Variants in COL8A2 observed in about 807,000 individuals in gnomAD.
COL8A2 encodes collagen alpha-2(VIII) chain.
A neutral mutation model predicts 24.0 loss-of-function variants in COL8A2; 16 were observed. The ratio of observed to expected loss-of-function variants is 0.67; its 90% CI spans 0.45 to 1.01. The LOEUF (loss-of-function observed/expected upper bound fraction) is 1.01. COL8A2 is among the 50% of genes least tolerant of loss of function. The pLI is 0.00. For synonymous variants in COL8A2, 466 were observed against 424.5 expected (o/e 1.10, Z -1.20); for missense variants, 818 against 942.4 (o/e 0.87, Z 1.73).
At chr1:36,121,567 G>T (rs1187092310) in intron 1 of COL8A2, among the ~76,000 whole-genome samples, 1 of 151,226 alleles carries the variant, frequency 6.6e-6, no homozygotes, top group East Asian at 1.9e-4. Flanking sequence ...AATTAGCCGG[G>T]CATGGTGGTG....
chr1:36,117,080 C>T (rs1461453785), intron 1 of COL8A2, among the ~76,000 whole-genome samples: 1 of 152,238 alleles, frequency 6.6e-6, no homozygotes. Flanking sequence ...CACTCTCTCC[C>T]CCAGCTGCTT....
rs369299871 is a variant in COL8A2 at position 36,111,846 on chromosome 1, C to A, written c.-17+3862G>T. The stretch of plus-strand genomic sequence containing the variant: ...TCAGACTCTTGTGTTCAACTATCAG[C>A]CGAGCATGTCCCCTGGCTGTCCCTC... On this transcript the variant is annotated intron_variant, in intron 2 of 3. Coordinates refer to ENST00000397799, the MANE Select transcript of COL8A2 (RefSeq NM_005202.4). Among the ~76,000 whole-genome samples, 201 of 152,210 alleles carry A rather than the reference C, an allele frequency of 1.3e-3. 5 individuals are homozygous for A. The South Asian group carries it at 0.039, about 29-fold the overall frequency.
At chr1:36,102,015 CA>C (rs1345983036) in intron 2 of COL8A2, among the ~76,000 whole-genome samples, 4 of 150,884 alleles carry the variant, frequency 2.7e-5, no homozygotes, top group African/African-American at 9.8e-5. Context: ...CCCATCTCTA[CA>C]AAACAAACAA....
intron 2 of COL8A2, among the ~76,000 whole-genome samples, chr1:36,114,566 ATAT>A (rs1350489737): frequency 6.6e-6 from 1 of 152,022 alleles, no homozygotes. Context: ...CCATGGAAAC[ATAT>A]TAGTTCTCAT....
Position 36,125,192 on chromosome 1 carries a change from T to C in COL8A2, c.-197A>G, listed in dbSNP as rs1489803013. 1.3e-5 allele frequency: 5 copies of C among 376,076 alleles called. No individual in the cohort carries two copies. The highest frequency in any genetic ancestry group is 2.2e-5 in the African/African-American group (1 of 45,322). 23.3% of individuals were successfully genotyped at this position (376,076 alleles called of 1,614,324 possible). A position where few individuals can be genotyped will look rare whatever the true frequency, so the allele number is the denominator to read the frequency against. ...CCGCGCCGGCGGGGTTCCGCGTCGC[T>C]CTGCCGGCCGCCCCTCGCGGCTGCC... On this transcript the variant is annotated 5_prime_UTR_variant, in exon 1 of 4. Coordinates refer to ENST00000397799, the MANE Select transcript of COL8A2 (RefSeq NM_005202.4). This position sits in a 1 kb window ranked among gnomAD's most constrained non-coding sequence, Gnocchi z 4.5.
chr1:36,116,289 C>T (rs577469615), intron 1 of COL8A2, among the ~76,000 whole-genome samples: 1 of 152,312 alleles, frequency 6.6e-6, no homozygotes, highest in African/African-American at 2.4e-5. Context: ...CTTAGCAATA[C>T]CCACGGGGTG....
intron 1 of COL8A2, among the ~76,000 whole-genome samples, chr1:36,124,443 C>A (rs938421220): frequency 1.3e-5 from 2 of 151,680 alleles, no homozygotes; most frequent in African/African-American, 4.9e-5. Context: ...CCCCTCACCC[C>A]CTGCAAGTCT....
At chr1:36,101,426 C>T (rs1428328104) in intron 2 of COL8A2, among the ~76,000 whole-genome samples, 2 of 152,194 alleles carry the variant, frequency 1.3e-5, no homozygotes, top group Admixed American at 6.5e-5. Flanking sequence ...GTCATCCCTT[C>T]CTCTATAAAG....
At position 36,100,887 on chromosome 1, in the gene COL8A2, C is replaced by CTTTTTTTTTT. The variant is rs139330748; in HGVS notation, c.-16-639_-16-630dup. Among the ~76,000 whole-genome samples the CTTTTTTTTTT allele has an allele frequency of 8.8e-4, 44 of 50,158 alleles. 4 individuals are homozygous for CTTTTTTTTTT. The East Asian group carries it at 9.5e-3, about 11-fold the overall frequency. The allele number at this position is 50,158 out of a possible 152,430, so 32.9% of individuals were successfully genotyped here. Reference sequence around the variant, plus strand: ...ATGGCGCTTAGCATAGCATTCAAGGCTTTTTTTTTTTTTTTTTTTTTTTTT... The same window carrying CTTTTTTTTTT: ...ATGGCGCTTAGCATAGCATTCAAGGCTTTTTTTTTTTTTTTTTTTTTTTTTTTTTTTTTTT... On this transcript the variant is annotated intron_variant, in intron 2 of 3. Transcript: ENST00000397799.
At chr1:36,100,887 CTTTTTTTTTTTT>C (rs139330748) in intron 2 of COL8A2, among the ~76,000 whole-genome samples, 140 of 50,166 alleles carry the variant, frequency 2.8e-3, no homozygotes, top group African/African-American at 8.6e-3. Context: ...GCATTCAAGG[CTTTTTTTTTTTT>C]TTTTTTTTTT....
intron 2 of COL8A2, among the ~76,000 whole-genome samples, chr1:36,103,600 A>G (rs1643712716): frequency 6.7e-6 from 1 of 149,960 alleles, no homozygotes; most frequent in African/African-American, 2.5e-5. Context: ...TTTTTTTGAG[A>G]CAGAGTTTTG....
Position 36,098,334 on chromosome 1 carries a change from G to C in COL8A2, c.1347C>G (p.Asp449Glu), listed in dbSNP as rs1356542481. ...GVAGALGQKG[D>E]LGLPGQPGLR... ...GGCCAGGCTGCCCAGGGAGCCCCAA[G>C]TCACCTTTCTGCCCCAGGGCTCCTG... Residue 449 changes from aspartate (D) to glutamate (E), a missense_variant, in exon 4 of 4, where the codon GAC becomes GAG. This residue lies in a region of COL8A2 where 573 missense variants were observed against 616.8 expected (regional missense o/e 0.93). Transcript: ENST00000397799. The C allele has an allele frequency of 1.3e-6, 2 of 1,550,330 alleles. No homozygotes were observed. Among genetic ancestry groups the C allele is most frequent in the South Asian group, 2.4e-5 (2 of 84,164 alleles).
intron 2 of COL8A2, among the ~76,000 whole-genome samples, chr1:36,107,761 G>C (rs1382047127): frequency 6.6e-6 from 1 of 151,722 alleles, no homozygotes; most frequent in East Asian, 1.9e-4. Context: ...GGGCACCTCT[G>C]AGCCCCCTGC....
Position 36,115,659 on chromosome 1 carries a change from C to T in COL8A2, c.-17+49G>A, listed in dbSNP as rs1643875687. 3.1e-6 allele frequency: 3 copies of T among 961,976 alleles called. No homozygotes were observed. The highest frequency in any genetic ancestry group is 3.7e-6 in the Non-Finnish European group (3 of 808,588). The allele number at this position is 961,976 out of a possible 1,614,324, so 59.6% of individuals were successfully genotyped here. ...AGGTTAGACAGCAATGAACACAGGC[C>T]TCATCTGGCCTGAGATATCAGAAAA... On this transcript the variant is annotated intron_variant, in intron 2 of 3. Coordinates refer to ENST00000397799, the MANE Select transcript of COL8A2 (RefSeq NM_005202.4). The surrounding 1 kb of genome is among the most constrained non-coding windows in gnomAD (Gnocchi z 5.7).
In COL8A2 at chr1:36,100,138, C is replaced by T. The variant is rs57985157; in HGVS notation, c.105G>A (p.Ala35=). Residue 35 remains alanine (A), a synonymous_variant, in exon 3 of 4, where the codon GCG becomes GCA. Coordinates refer to ENST00000397799, the MANE Select transcript of COL8A2 (RefSeq NM_005202.4). ...RASSGGGAGG[A]AGYAPVKYIQ... is the part of the protein sequence containing the mutation. ...TGTACTTCACTGGGGCATAGCCCGC[C>T]GCCCCACCGGCCCCGCCACCAGAGG... The T allele has an allele frequency of 0.025, 40,921 of 1,612,446 alleles. 4,524 individuals carry two copies. The East Asian group carries it at 0.32, about 13-fold the overall frequency.
At position 36,100,047 on chromosome 1, in the gene COL8A2, C is replaced by T. The variant is rs1278086648; in HGVS notation, c.193+3G>A. 5.0e-6 allele frequency: 8 copies of T among 1,610,724 alleles called. No individual in the cohort carries two copies. The highest frequency in any genetic ancestry group is 6.8e-6 in the Non-Finnish European group (8 of 1,177,450). On this transcript the variant is annotated splice_donor_region_variant and intron_variant, in intron 3 of 3. Coordinates refer to ENST00000397799, the MANE Select transcript of COL8A2 (RefSeq NM_005202.4). ...AGGCACTGTGGGGTGAGGAGGCTCT[C>T]ACCCAGGTACTGGCCTTTGCCCTCA...
rs1395910291 is a variant in COL8A2, at chr1:36,098,868, T to C, written c.813A>G (p.Pro271=). Reference sequence around the variant, plus strand: ...CACCGTCTACTCCAGGAGGTCCTTTTGGGCCCACAGCTCCTGGCTCCCCCC... The same window carrying C: ...CACCGTCTACTCCAGGAGGTCCTTTCGGGCCCACAGCTCCTGGCTCCCCCC... ...GPRGEPGAVG[P]KGPPGVDGVG... The change falls in exon 4 of 4, where the codon CCA becomes CCG. Residue 271 remains proline, a synonymous_variant. Coordinates refer to ENST00000397799, the MANE Select transcript of COL8A2 (RefSeq NM_005202.4). 6.2e-7 allele frequency: 1 copy of C among 1,612,216 alleles called. No individual in the cohort carries two copies. Among genetic ancestry groups the C allele is most frequent in the Non-Finnish European group, 8.5e-7 (1 of 1,179,694 alleles).
At chr1:36,107,608 C>A (rs911172787) in intron 2 of COL8A2, among the ~76,000 whole-genome samples, 2 of 152,234 alleles carry the variant, frequency 1.3e-5, no homozygotes, top group African/African-American at 4.8e-5. Context: ...CTGGGGAGTG[C>A]GCACTGGCCA....
rs577832844 is a variant in COL8A2, at chr1:36,114,305, C to T, written c.-17+1403G>A. On this transcript the variant is annotated intron_variant, in intron 2 of 3. Coordinates refer to ENST00000397799, the MANE Select transcript of COL8A2 (RefSeq NM_005202.4). Reference sequence around the variant, plus strand: ...CTGCACTCTAACCTGGGCGACAGAGCGAGACTCCATCTCAAAAAAAAAAAA... The same window carrying T: ...CTGCACTCTAACCTGGGCGACAGAGTGAGACTCCATCTCAAAAAAAAAAAA... Among the ~76,000 whole-genome samples the T allele has an allele frequency of 2.3e-4, 27 of 118,068 alleles. 1 individual carries two copies. The South Asian group carries it at 3.5e-3, about 15-fold the overall frequency. 77.5% of individuals were successfully genotyped at this position (118,068 alleles called of 152,430 possible).
Sources: gnomAD v4.1 joint callset for allele counts (sites outside exome capture counted in the v4.1 genomes callset) on GRCh38, gnomAD v4.1.1 for gene constraint, gnomAD v4.1.1 regional missense constraint, Gnocchi (gnomAD v3.1) non-coding constraint, MANE v1.5 for transcripts, NCBI Gene and HGNC (gene_info 2026-07-23, HGNC 2026-07-21) for gene names.